FBXO31: variants seen among roughly 807,000 people sequenced by gnomAD.
FBXO31 encodes F-box only protein 31.
A neutral mutation model predicts 54.4 loss-of-function variants in FBXO31; 24 were observed. The ratio of observed to expected loss-of-function variants is 0.44; its 90% CI spans 0.32 to 0.62. FBXO31 has a LOEUF of 0.62. Ranked by LOEUF, FBXO31 falls within the 20% of genes least tolerant of loss-of-function variation. The probability of loss-of-function intolerance (pLI) is 0.05; values close to 1 mark genes in which losing one functional copy is unlikely to be tolerated. For missense variants in FBXO31, 665 were observed against 787.1 expected (o/e 0.84, Z 1.86); for synonymous variants, 388 against 335.6 (o/e 1.16, Z -1.71).
At chr16:87,355,688 AAG>A (rs1234315083) in intron 2 of FBXO31, among the ~76,000 whole-genome samples, 1 of 152,214 alleles carries the variant, frequency 6.6e-6, no homozygotes, top group East Asian at 1.9e-4. Context: ...CGCCAGCTCG[AAG>A]CAACTGGCGC....
In FBXO31 at chr16:87,345,421, G is replaced by T. The variant is rs1182535841; in HGVS notation, c.490-1656C>A. 6.6e-6 allele frequency among the ~76,000 whole-genome samples: 1 copy of T among 152,158 alleles called. No individual in the cohort carries two copies. Among genetic ancestry groups the T allele is most frequent in the East Asian group, 1.9e-4 (1 of 5,194 alleles). On this transcript the variant is annotated intron_variant, in intron 3 of 8. Coordinates refer to ENST00000311635, the MANE Select transcript of FBXO31 (RefSeq NM_024735.5). This position sits in a 1 kb window ranked among gnomAD's most constrained non-coding sequence, Gnocchi z 4.9. ...CATGCAGACACTGGCACCACGCAGA[G>T]CCCGCAGAGCACCACCTCCTCACCC... is the stretch of plus-strand genomic sequence containing the variant.
At chr16:87,373,301 A>C (rs1714609954) in intron 1 of FBXO31, among the ~76,000 whole-genome samples, 1 of 151,846 alleles carries the variant, frequency 6.6e-6, no homozygotes, top group South Asian at 2.1e-4. Context: ...AATACAAAAA[A>C]ATTAGCCGAG....
In FBXO31 at chr16:87,336,762, T is replaced by G. The variant is rs1240564131; in HGVS notation, c.733-498A>C. 6.6e-6 allele frequency among the ~76,000 whole-genome samples: 1 copy of G among 152,158 alleles called. No homozygotes were observed. The highest frequency in any genetic ancestry group is 2.4e-5 in the African/African-American group (1 of 41,420). On this transcript the variant is annotated intron_variant, in intron 5 of 8. Transcript: ENST00000311635. The surrounding 1 kb of genome is among the most constrained non-coding windows in gnomAD (Gnocchi z 6.5). The stretch of plus-strand genomic sequence containing the variant: ...ATGCACTGAGCCCTCGGCCAGTGAC[T>G]GGGTGGATTTTCCTTTTTCAAAGGA...
chr16:87,327,673 G>C lies in FBXO31; in HGVS notation c.*3615C>G, dbSNP rs1443376321. On this transcript the variant is annotated 3_prime_UTR_variant, in exon 9 of 9. Coordinates refer to ENST00000311635, the MANE Select transcript of FBXO31 (RefSeq NM_024735.5). ...CCTGTCTCAAAAAACAACAAAAAAAGTACCAGCCGCATGGAGACTATCTGC... is the reference window on the plus strand; with the variant it reads ...CCTGTCTCAAAAAACAACAAAAAAACTACCAGCCGCATGGAGACTATCTGC... The C allele has an allele frequency of 6.6e-6, 1 of 152,150 alleles. No individual in the cohort carries two copies. Among genetic ancestry groups the C allele is most frequent in the Non-Finnish European group, 1.5e-5 (1 of 68,084 alleles). 9.4% of individuals were successfully genotyped at this position (152,150 alleles called of 1,614,324 possible). A position where few individuals can be genotyped will look rare whatever the true frequency, so the allele number is the denominator to read the frequency against.
At chr16:87,387,740 G>A (rs1329152082), upstream of FBXO31, among the ~76,000 whole-genome samples, 1 of 152,190 alleles carries the variant, frequency 6.6e-6, no homozygotes, top group African/African-American at 2.4e-5. Context: ...CCGGGAGGCG[G>A]AGCTTGCAGT....
intron 2 of FBXO31, among the ~76,000 whole-genome samples, chr16:87,348,611 A>C (rs370079138): frequency 3.9e-5 from 6 of 152,126 alleles, no homozygotes; most frequent in African/African-American, 1.2e-4. Flanking sequence ...CCTCCCCATC[A>C]CGGTCACCAA....
intron 1 of FBXO31, among the ~76,000 whole-genome samples, chr16:87,378,548 T>G (rs920425915): frequency 3.3e-5 from 5 of 152,248 alleles, no homozygotes; most frequent in African/African-American, 7.2e-5. Context: ...ATCCATGGCC[T>G]GGTGACAGGG....
rs200753805 is a variant in FBXO31, at chr16:87,343,774, G to T, written c.490-9C>A. 1.1e-5 allele frequency: 17 copies of T among 1,613,932 alleles called. No homozygotes were observed. The African/African-American group carries it at 2.0e-4, about 19-fold the overall frequency. ...ATGAACAGGCCGTCCACCTACAGGA[G>T]GAGATGGGCAAAGGTCCATGAGTGG... On this transcript the variant is annotated splice_polypyrimidine_tract_variant and intron_variant, in intron 3 of 8. Transcript: ENST00000311635.
At chr16:87,352,911 A>G (rs10779242) in intron 2 of FBXO31, among the ~76,000 whole-genome samples, 74,013 of 152,082 alleles carry the variant, frequency 0.49, 20,011 homozygotes, top group East Asian at 1. Flanking sequence ...GTGCACACCC[A>G]TCCTGACTCA....
At position 87,335,277 on chromosome 16, in the gene FBXO31, C is replaced by T; in HGVS notation, c.996+27G>A. The T allele has an allele frequency of 6.2e-7, 1 of 1,611,222 alleles. No individual in the cohort carries two copies. The highest frequency in any genetic ancestry group is 1.1e-5 in the South Asian group (1 of 91,034). On this transcript the variant is annotated intron_variant, in intron 7 of 8. Coordinates refer to ENST00000311635, the MANE Select transcript of FBXO31 (RefSeq NM_024735.5). The surrounding 1 kb of genome is among the most constrained non-coding windows in gnomAD (Gnocchi z 5.7). ...ACTTGGGCCAGGTGCCCCCAGAGCC[C>T]CACCAACCAGGTCAGCCGCCACTCA...
chr16:87,344,330 C>T (rs922514613), intron 3 of FBXO31, among the ~76,000 whole-genome samples: 61 of 152,244 alleles, frequency 4.0e-4, no homozygotes, highest in African/African-American at 1.3e-3. Context: ...CCGGGAGGGG[C>T]GCTCAGGAGC....
chr16:87,391,393 G>A (rs1038129580), upstream of FBXO31, among the ~76,000 whole-genome samples: 2 of 152,218 alleles, frequency 1.3e-5, no homozygotes, highest in Non-Finnish European at 2.9e-5. Context: ...AATATCGCAT[G>A]GTGGTTTACG....
intron 2 of FBXO31, among the ~76,000 whole-genome samples, chr16:87,351,898 G>C (rs1905676806): frequency 2.0e-5 from 3 of 151,968 alleles, no homozygotes; most frequent in African/African-American, 7.3e-5. Context: ...ATATACATCA[G>C]CTTCACATGG....
At position 87,346,476 on chromosome 16, in the gene FBXO31, C is replaced by T. The variant is rs1269930985; in HGVS notation, c.489+698G>A. ...ATAAAAAAGAAAGCCAGACTTCCAT[C>T]TCCAGCCATGATCAAGTACCCAGGA... On this transcript the variant is annotated intron_variant, in intron 3 of 8. Coordinates refer to ENST00000311635, the MANE Select transcript of FBXO31 (RefSeq NM_024735.5). The surrounding 1 kb of genome is among the most constrained non-coding windows in gnomAD (Gnocchi z 4.2). Among the ~76,000 whole-genome samples, 1 of 152,260 alleles carries T rather than the reference C, an allele frequency of 6.6e-6. No homozygotes were observed. Among genetic ancestry groups the T allele is most frequent in the Non-Finnish European group, 1.5e-5 (1 of 68,046 alleles).
rs909054270 is a variant in FBXO31 at position 87,346,901 on chromosome 16, C to T, written c.489+273G>A. 1.3e-5 allele frequency among the ~76,000 whole-genome samples: 2 copies of T among 152,228 alleles called. No homozygotes were observed. The highest frequency in any genetic ancestry group is 4.8e-5 in the African/African-American group (2 of 41,468). On this transcript the variant is annotated intron_variant, in intron 3 of 8. Coordinates refer to ENST00000311635, the MANE Select transcript of FBXO31 (RefSeq NM_024735.5). The surrounding 1 kb of genome is among the most constrained non-coding windows in gnomAD (Gnocchi z 4.2). ...CCAACATGTGCGCGATGGGCCTCAG[C>T]GTCCAGGAAGCAAAGGCCCTCACAA...
chr16:87,367,147 G>A (rs1906403755), intron 1 of FBXO31: 1 of 152,208 alleles, frequency 6.6e-6, no homozygotes, highest in Non-Finnish European at 1.5e-5. Flanking sequence ...TCCAGCCTGG[G>A]CAACACAGTG....
chr16:87,378,413 T>C (rs183266999), intron 1 of FBXO31, among the ~76,000 whole-genome samples: 1 of 152,202 alleles, frequency 6.6e-6, no homozygotes, highest in Non-Finnish European at 1.5e-5. Flanking sequence ...AGAGGAATCA[T>C]TAAAATTAGA....
Position 87,365,010 on chromosome 16 carries a change from A to AAAATATATATATATATAT in FBXO31, c.341-4645_341-4644insATATATATATATATATTT, listed in dbSNP as rs1233086176. On this transcript the variant is annotated intron_variant, in intron 1 of 8. Coordinates refer to ENST00000311635, the MANE Select transcript of FBXO31 (RefSeq NM_024735.5). The stretch of plus-strand genomic sequence containing the variant: ...TGACAGAGCGAGACCCCGTCTCTTA[A>AAAATATATATATATATAT]ATATATATATATATATATATATATA... Among the ~76,000 whole-genome samples, 4 of 47,684 alleles carry AAAATATATATATATATAT rather than the reference A, an allele frequency of 8.4e-5. 1 individual carries two copies. Among genetic ancestry groups the AAAATATATATATATATAT allele is most frequent in the African/African-American group, 4.1e-4 (4 of 9,790 alleles). 31.3% of individuals were successfully genotyped at this position (47,684 alleles called of 152,430 possible).
At chr16:87,351,661 G>C (rs901463520) in intron 2 of FBXO31, among the ~76,000 whole-genome samples, 1 of 152,174 alleles carries the variant, frequency 6.6e-6, no homozygotes, top group Non-Finnish European at 1.5e-5. Context: ...CTGAGGTCAG[G>C]AGTTTAAGAC....
Sources: allele counts gnomAD v4.1 joint callset (sites outside exome capture counted in the v4.1 genomes callset), GRCh38; gene constraint gnomAD v4.1.1; non-coding constraint Gnocchi (gnomAD v3.1); transcripts MANE v1.5; gene names NCBI Gene and HGNC (gene_info 2026-07-23, HGNC 2026-07-21).